Variants in MYO10 observed in about 807,000 individuals in gnomAD.
MYO10 encodes myosin X.
A neutral mutation model predicts 257.3 loss-of-function variants in MYO10; 133 were observed. The observed-to-expected ratio is 0.52, with a 90% CI of 0.45 to 0.60. The LOEUF (loss-of-function observed/expected upper bound fraction) is 0.60, where lower values mean the gene tolerates loss of function less well. Ranked by LOEUF, MYO10 falls within the 20% of genes least tolerant of loss-of-function variation. The pLI is 0.00. For synonymous variants in MYO10, 1,104 were observed against 1,028.6 expected (o/e 1.07, Z -1.40); for missense variants, 2,399 against 2,635.7 (o/e 0.91, Z 1.97).
At chr5:16,867,297 C>T (rs1040250414) in intron 2 of MYO10, among the ~76,000 whole-genome samples, 1 of 152,118 alleles carries the variant, frequency 6.6e-6, no homozygotes, top group Non-Finnish European at 1.5e-5. Flanking sequence ...AGGACAGACC[C>T]GCCAGGCTGT....
At chr5:16,829,354 G>A (rs10069005) in intron 2 of MYO10, among the ~76,000 whole-genome samples, 41,392 of 152,008 alleles carry the variant, frequency 0.27, 7,004 homozygotes, top group African/African-American at 0.48. Context: ...ATCAAACACA[G>A]CACCGAGACT....
At chr5:16,709,114 TA>T (rs556046354) in intron 21 of MYO10, among the ~76,000 whole-genome samples, 52 of 152,302 alleles carry the variant, frequency 3.4e-4, no homozygotes, top group African/African-American at 1.2e-3. Context: ...ATATGAAGTC[TA>T]CATCAGGGCT....
intron 1 of MYO10, among the ~76,000 whole-genome samples, chr5:16,929,195 C>T (rs1416453005): frequency 3.9e-5 from 6 of 151,916 alleles, no homozygotes; most frequent in African/African-American, 1.2e-4. Context: ...CCTCGTGATC[C>T]GCCCACCTCG....
intron 2 of MYO10, among the ~76,000 whole-genome samples, chr5:16,868,562 G>A (rs1027688726): frequency 2.0e-5 from 3 of 151,708 alleles, no homozygotes; most frequent in African/African-American, 7.3e-5. Flanking sequence ...CCAAGATCGC[G>A]CCACTGCACT....
intron 21 of MYO10, among the ~76,000 whole-genome samples, chr5:16,710,046 A>G (rs1738526333): frequency 6.6e-6 from 1 of 152,212 alleles, no homozygotes; most frequent in Admixed American, 6.5e-5. Context: ...TTATAAAGCA[A>G]GAAACTTCTA....
chr5:16,711,073 C>T (rs1267471818), intron 20 of MYO10, 48 bp downstream of exon 20: 3 of 1,612,932 alleles, frequency 1.9e-6, no homozygotes, highest in Non-Finnish European at 2.5e-6. Context: ...TCCCTGTTTT[C>T]TCCAACCCCT....
intron 19 of MYO10, among the ~76,000 whole-genome samples, chr5:16,745,481 T>C (rs1001531843): frequency 9.9e-5 from 15 of 152,052 alleles, no homozygotes; most frequent in African/African-American, 2.7e-4. Context: ...AGGCCAAAAG[T>C]TTGAGACCAG....
rs1202895822 is a variant in MYO10, at chr5:16,780,855, T to C, written c.728-114A>G. On this transcript the variant is annotated intron_variant, in intron 6 of 40. Transcript: ENST00000513610. The stretch of plus-strand genomic sequence containing the variant: ...TCAAATAATTACAGTTCCCTGTTCC[T>C]TTGACATAGAAGCTTCCAGTGCCAA... The C allele has an allele frequency of 1.4e-5, 16 of 1,105,536 alleles. No homozygotes were observed. In the East Asian group the frequency reaches 3.3e-4, roughly 23 times the overall value. The allele number at this position is 1,105,536 out of a possible 1,614,324, so 68.5% of individuals were successfully genotyped here. A position where few individuals can be genotyped will look rare whatever the true frequency, so the allele number is the denominator to read the frequency against.
chr5:16,783,245 G>T, intron 5 of MYO10, 90 bp downstream of exon 5: 1 of 1,295,224 alleles, frequency 7.7e-7, no homozygotes, highest in Non-Finnish European at 1.0e-6. Flanking sequence ...AAAGAGAAAC[G>T]CGACCAACTA....
chr5:16,844,055 G>C (rs766485528), intron 2 of MYO10, among the ~76,000 whole-genome samples: 4 of 152,210 alleles, frequency 2.6e-5, no homozygotes, highest in Non-Finnish European at 4.4e-5. Context: ...CGTCACTCAT[G>C]AATCAGCTGC....
intron 9 of MYO10, among the ~76,000 whole-genome samples, chr5:16,774,813 A>C (rs1579976884): frequency 6.6e-6 from 1 of 152,232 alleles, no homozygotes; most frequent in African/African-American, 2.4e-5. Context: ...ACACTGAAAG[A>C]GACTGACATT....
intron 2 of MYO10, among the ~76,000 whole-genome samples, chr5:16,823,310 T>C (rs1742884398): frequency 6.8e-6 from 1 of 147,784 alleles, no homozygotes; most frequent in Non-Finnish European, 1.5e-5. Flanking sequence ...CCAGGCATGG[T>C]GGCACGTGAC....
intron 18 of MYO10, among the ~76,000 whole-genome samples, chr5:16,757,342 A>G (rs1465537889): frequency 6.8e-6 from 1 of 147,922 alleles, no homozygotes; most frequent in African/African-American, 2.5e-5. Flanking sequence ...ACACACACAC[A>G]CGGAAAAAAA....
chr5:16,666,818 C>T, intron 40 of MYO10, 25 bp from the exon 41 acceptor site: 1 of 1,555,410 alleles, frequency 6.4e-7, no homozygotes, highest in Non-Finnish European at 8.7e-7. Context: ...GCAGAACCGA[C>T]ACAGCGTCAC....
chr5:16,908,795 C>T (rs1405290542), intron 1 of MYO10, among the ~76,000 whole-genome samples: 3 of 152,186 alleles, frequency 2.0e-5, no homozygotes, highest in Non-Finnish European at 4.4e-5. Flanking sequence ...ACTGGAATAT[C>T]GGAATGTACT....
Position 16,701,532 on chromosome 5 carries a change from G to A in MYO10, c.2863C>T (p.Arg955Trp), listed in dbSNP as rs770160016. ...LNFDEIDECV[R>W]NIERSLSVGS... ...ACCGACAGGGACCGCTCGATATTCC[G>A]GACACACTCGTCGATCTCGTCGAAA... The change falls in exon 25 of 41, where the codon CGG becomes TGG. Residue 955 changes from arginine to tryptophan, a missense_variant. Transcript: ENST00000513610. This position sits in a 1 kb window ranked among gnomAD's most constrained non-coding sequence, Gnocchi z 8.1. 1.5e-5 allele frequency: 24 copies of A among 1,613,906 alleles called. No individual in the cohort carries two copies. The highest frequency in any genetic ancestry group is 1.6e-4 in the Middle Eastern group (1 of 6,062).
At chr5:16,923,294 T>C (rs1746039113) in intron 1 of MYO10, among the ~76,000 whole-genome samples, 1 of 145,338 alleles carries the variant, frequency 6.9e-6, no homozygotes, top group Admixed American at 6.9e-5. Context: ...TAAACTCTTC[T>C]TTTTTTTTTT....
intron 1 of MYO10, among the ~76,000 whole-genome samples, chr5:16,914,140 G>A (rs1049259325): frequency 6.6e-6 from 1 of 152,168 alleles, no homozygotes; most frequent in African/African-American, 2.4e-5. Flanking sequence ...TGCAAGCTGG[G>A]CCAAGGGTTC....
chr5:16,831,799 A>G (rs253329), intron 2 of MYO10, among the ~76,000 whole-genome samples: 16,338 of 152,154 alleles, frequency 0.11, 2,827 homozygotes, highest in African/African-American at 0.37. Flanking sequence ...TGGGTGCACC[A>G]AAATCTCTCT....
Sources: gnomAD v4.1 joint callset for allele counts (sites outside exome capture counted in the v4.1 genomes callset) on GRCh38, gnomAD v4.1.1 for gene constraint, Gnocchi (gnomAD v3.1) non-coding constraint, MANE v1.5 for transcripts, NCBI Gene and HGNC (gene_info 2026-07-23, HGNC 2026-07-21) for gene names.